ARHGAP8: variants seen among roughly 807,000 people sequenced by gnomAD.
ARHGAP8 encodes rho GTPase-activating protein 8.
Under a neutral mutation model 46.1 loss-of-function variants are expected in ARHGAP8, and 62 were observed. That is an observed-to-expected ratio of 1.34 (90% confidence interval 1.10 to 1.66). The LOEUF is 1.66. Ranked by LOEUF, ARHGAP8 falls within the 40% of genes most tolerant of loss-of-function variation. The pLI is 0.00. For missense variants in ARHGAP8, 923 were observed against 568.4 expected (o/e 1.62, Z -6.34); for synonymous variants, 375 against 243.1 (o/e 1.54, Z -5.05).
chr22:44,862,443 C>T lies in ARHGAP8; in HGVS notation c.1150C>T (p.Pro384Ser), dbSNP rs566631776. 6.2e-7 allele frequency: 1 copy of T among 1,614,082 alleles called. No individual in the cohort carries two copies. The highest frequency in any genetic ancestry group is 8.5e-7 in the Non-Finnish European group (1 of 1,179,996). The change falls in exon 12 of 12, where the codon CCG becomes TCG. Residue 384 changes from proline (P) to serine (S), a missense_variant. Pro to Ser is a moderately conservative substitution (Grantham distance 74, BLOSUM62 -1). Transcript: ENST00000356099. ...IEYYEKIFST[P>S]EAPGEHGLAP... The stretch of plus-strand genomic sequence containing the variant: ...GTACTATGAAAAGATCTTCAGCACC[C>T]CGGAGGCACCTGGGGAGCACGGCCT...
At chr22:44,858,025 G>A (rs995563872) in intron 10 of ARHGAP8, among the ~76,000 whole-genome samples, 3 of 152,238 alleles carry the variant, frequency 2.0e-5, no homozygotes, top group East Asian at 1.9e-4. Context: ...CCCAGAGAAG[G>A]AAATGGCAGC....
intron 10 of ARHGAP8, 169 bp from the exon 11 acceptor site, chr22:44,859,562 T>G: frequency 3.0e-6 from 2 of 656,792 alleles, no homozygotes; most frequent in South Asian, 3.6e-5. Flanking sequence ...CACACAGGTT[T>G]GCTGAGCAGA....
intron 10 of ARHGAP8, among the ~76,000 whole-genome samples, chr22:44,854,024 CAAAAAAAAAAAA>C (rs71315119): frequency 0.031 from 1,347 of 43,214 alleles, 28 homozygotes; most frequent in South Asian, 0.11. Flanking sequence ...GACTCTGTCT[CAAAAAAAAAAAA>C]AAAAAAAAAA....
At chr22:44,779,288 A>G (rs1926657803) in intron 1 of ARHGAP8, among the ~76,000 whole-genome samples, 1 of 151,804 alleles carries the variant, frequency 6.6e-6, no homozygotes, top group Admixed American at 6.6e-5. Context: ...TTTAGTAGAG[A>G]TGGGGTTTCA....
intron 1 of ARHGAP8, among the ~76,000 whole-genome samples, chr22:44,766,820 A>G (rs1335101203): frequency 1.3e-5 from 2 of 151,922 alleles, no homozygotes; most frequent in Non-Finnish European, 2.9e-5. Flanking sequence ...GAGAGAGCAA[A>G]ACTCCTGGCC....
rs2070506192 is a variant in ARHGAP8, at chr22:44,861,910, C to T, written c.982-365C>T. 2.0e-5 allele frequency among the ~76,000 whole-genome samples: 3 copies of T among 152,280 alleles called. No homozygotes were observed. The South Asian group carries it at 6.2e-4, about 32-fold the overall frequency. ...GCTGGTCCCCATCATGCCCAGTTCGCCACTCACAGAGCCGAGGCCAGAGAG... is the reference window on the plus strand; with the variant it reads ...GCTGGTCCCCATCATGCCCAGTTCGTCACTCACAGAGCCGAGGCCAGAGAG... On this transcript the variant is annotated intron_variant, in intron 11 of 11. Coordinates refer to ENST00000356099, the MANE Select transcript of ARHGAP8 (RefSeq NM_181335.3).
chr22:44,810,940 T>TCA (rs35813679), intron 4 of ARHGAP8, among the ~76,000 whole-genome samples: 76,456 of 151,786 alleles, frequency 0.5, 20,029 homozygotes, highest in African/African-American at 0.62. Flanking sequence ...AGGCTCAGGC[T>TCA]CACAGCAGGA....
intron 11 of ARHGAP8, among the ~76,000 whole-genome samples, chr22:44,861,659 C>T (rs907658187): frequency 6.6e-6 from 1 of 152,142 alleles, no homozygotes; most frequent in Admixed American, 6.5e-5. Context: ...GAGAACAGGC[C>T]CTGCCCTCAC....
intron 1 of ARHGAP8, among the ~76,000 whole-genome samples, chr22:44,763,905 G>A (rs1925347020): frequency 6.6e-6 from 1 of 151,220 alleles, no homozygotes; most frequent in Admixed American, 6.6e-5. Flanking sequence ...CCACCTCCTG[G>A]GTTCACGCCA....
At chr22:44,786,888 A>T (rs548737517) in intron 2 of ARHGAP8, among the ~76,000 whole-genome samples, 1 of 152,198 alleles carries the variant, frequency 6.6e-6, no homozygotes, top group South Asian at 2.1e-4. Flanking sequence ...ATGGTGTTGC[A>T]TGCCTGTATT....
intron 4 of ARHGAP8, among the ~76,000 whole-genome samples, chr22:44,813,223 T>TA (rs2147100145): frequency 6.6e-6 from 1 of 151,866 alleles, no homozygotes; most frequent in East Asian, 1.9e-4. Flanking sequence ...AGAGTTAGGG[T>TA]ATGTGTGTGT....
At chr22:44,810,063 G>A (rs1340124312) in intron 4 of ARHGAP8, among the ~76,000 whole-genome samples, 1 of 152,090 alleles carries the variant, frequency 6.6e-6, no homozygotes, top group Non-Finnish European at 1.5e-5. Flanking sequence ...GGCTTCCTGG[G>A]TTGTCCTGGG....
At chr22:44,856,025 C>G (rs2070212270) in intron 10 of ARHGAP8, among the ~76,000 whole-genome samples, 1 of 152,064 alleles carries the variant, frequency 6.6e-6, no homozygotes, top group South Asian at 2.1e-4. Context: ...GGGGTGAGGT[C>G]ATGCCACACA....
intron 10 of ARHGAP8, among the ~76,000 whole-genome samples, chr22:44,852,519 C>G (rs1483437592): frequency 6.6e-6 from 1 of 152,128 alleles, no homozygotes; most frequent in African/African-American, 2.4e-5. Flanking sequence ...CAGTAGTGTT[C>G]CGGACCCCAG....
At chr22:44,771,303 A>G (rs1216022765) in intron 1 of ARHGAP8, among the ~76,000 whole-genome samples, 1 of 138,534 alleles carries the variant, frequency 7.2e-6, no homozygotes, top group Non-Finnish European at 1.5e-5. Context: ...CTGGAGTGCA[A>G]TGCCATGATC....
chr22:44,764,879 G>A (rs941005397), intron 1 of ARHGAP8, among the ~76,000 whole-genome samples: 2 of 152,206 alleles, frequency 1.3e-5, no homozygotes, highest in African/African-American at 4.8e-5. Flanking sequence ...AGGGGAGAGG[G>A]GCTCCCGGGG....
chr22:44,792,128 C>T (rs1927735907), intron 2 of ARHGAP8, among the ~76,000 whole-genome samples: 1 of 151,998 alleles, frequency 6.6e-6, no homozygotes, highest in African/African-American at 2.4e-5. Flanking sequence ...TTCTCTGCCT[C>T]AGCCTCCCGA....
intron 2 of ARHGAP8, among the ~76,000 whole-genome samples, chr22:44,800,100 CTTT>C (rs769010356): frequency 1.7e-4 from 16 of 92,552 alleles, no homozygotes; most frequent in African/African-American, 6.0e-4. Context: ...TCTGTTCTGT[CTTT>C]TTTTTTTTTT....
At chr22:44,783,894 T>A (rs1927028742) in intron 1 of ARHGAP8, among the ~76,000 whole-genome samples, 1 of 152,086 alleles carries the variant, frequency 6.6e-6, no homozygotes, top group African/African-American at 2.4e-5. Context: ...CCTCCACCCA[T>A]GGTCATGGCT....
Sources: gnomAD v4.1 joint callset for allele counts (sites outside exome capture counted in the v4.1 genomes callset) on GRCh38, gnomAD v4.1.1 for gene constraint, MANE v1.5 for transcripts, NCBI Gene and HGNC (gene_info 2026-07-23, HGNC 2026-07-21) for gene names.